SYNDIG1: variants seen among roughly 807,000 people sequenced by gnomAD.
SYNDIG1 encodes synapse differentiation inducing 1.
In SYNDIG1, 9 loss-of-function variants were observed where a neutral mutation model predicts 19.4. That is an observed-to-expected ratio of 0.46 (90% CI 0.28 to 0.81). SYNDIG1 has a LOEUF of 0.81. Among genes scored for constraint, SYNDIG1 ranks in the 30% least tolerant of loss-of-function variants. The pLI, the probability that SYNDIG1 is intolerant of heterozygous loss-of-function variation, is 0.12. For synonymous variants in SYNDIG1, 141 were observed against 145.9 expected, an observed-to-expected ratio of 0.97 and a Z score of 0.24; for missense variants, 311 against 343.3, an observed-to-expected ratio of 0.91 and a Z score of 0.74.
chr20:24,618,775 TTC>T (rs971853825), intron 3 of SYNDIG1, among the ~76,000 whole-genome samples: 3 of 152,202 alleles, frequency 2.0e-5, no homozygotes, highest in African/African-American at 7.2e-5. Flanking sequence ...TCTTATTTTT[TTC>T]TCTCTTACCT....
chr20:24,535,209 G>C (rs530772188), intron 1 of SYNDIG1, among the ~76,000 whole-genome samples: 1 of 152,232 alleles, frequency 6.6e-6, no homozygotes, highest in South Asian at 2.1e-4. Flanking sequence ...GTTGTTTGCC[G>C]ATGTTTTCTG....
In SYNDIG1 at chr20:24,654,646, GAGGGAGGA is replaced by G. The variant is rs1358967494; in HGVS notation, c.619-10696_619-10689del. On this transcript the variant is annotated intron_variant, in intron 3 of 3. Transcript: ENST00000376862. ...GGGAGGGAGGAAGGAGAGAGGGAGGGAGGGAGGAAGGAAGGAAGGAAGGAAGGAAGGAA... is the reference window on the plus strand; with the variant it reads ...GGGAGGGAGGAAGGAGAGAGGGAGGGAGGAAGGAAGGAAGGAAGGAAGGAA... 2.3e-3 allele frequency among the ~76,000 whole-genome samples: 241 copies of G among 106,222 alleles called. 1 individual carries two copies. The highest frequency in any genetic ancestry group is 1.9e-3 in the African/African-American group (49 of 25,572). 69.7% of individuals were successfully genotyped at this position (106,222 alleles called of 152,430 possible).
At chr20:24,495,865 T>C (rs911172729) in intron 1 of SYNDIG1, 3 of 152,184 alleles carry the variant, frequency 2.0e-5, no homozygotes, top group Admixed American at 6.5e-5. Flanking sequence ...TTATTTTTGA[T>C]ATGGAGTCTC....
intron 2 of SYNDIG1, among the ~76,000 whole-genome samples, chr20:24,565,386 C>G (rs528558180): frequency 3.9e-5 from 6 of 152,136 alleles, no homozygotes; most frequent in Admixed American, 2.6e-4. Context: ...ATCATTCAGC[C>G]GAGATAACAG....
At chr20:24,659,101 T>C (rs73905423) in intron 3 of SYNDIG1, among the ~76,000 whole-genome samples, 12,259 of 152,204 alleles carry the variant, frequency 0.081, 561 homozygotes, top group Non-Finnish European at 0.098. Context: ...GAGCGTGGCA[T>C]ACTGCCCGAA....
intron 1 of SYNDIG1, among the ~76,000 whole-genome samples, chr20:24,535,053 G>A (rs1231918815): frequency 6.6e-6 from 1 of 152,164 alleles, no homozygotes; most frequent in African/African-American, 2.4e-5. Flanking sequence ...GTGTTTGCTG[G>A]TTTAGGTTTA....
At chr20:24,541,942 G>A (rs191912585) in intron 1 of SYNDIG1, among the ~76,000 whole-genome samples, 2 of 152,262 alleles carry the variant, frequency 1.3e-5, no homozygotes, top group Non-Finnish European at 2.9e-5. Context: ...ATCTCTGAGC[G>A]GATGAACCCA....
At chr20:24,558,268 A>T (rs147176109) in intron 2 of SYNDIG1, among the ~76,000 whole-genome samples, 21 of 152,308 alleles carry the variant, frequency 1.4e-4, no homozygotes, top group African/African-American at 5.1e-4. Context: ...ATCCAAAAAA[A>T]ATTGTCTACT....
chr20:24,596,535 T>C (rs1465456029), intron 3 of SYNDIG1, among the ~76,000 whole-genome samples: 2 of 152,090 alleles, frequency 1.3e-5, no homozygotes, highest in African/African-American at 2.4e-5. Context: ...CCCACCATCA[T>C]GCCTTGCTAA....
At chr20:24,505,364 G>A (rs973761764) in intron 1 of SYNDIG1, among the ~76,000 whole-genome samples, 11 of 152,228 alleles carry the variant, frequency 7.2e-5, no homozygotes, top group East Asian at 1.9e-4. Flanking sequence ...GGGCAGAGGC[G>A]GTCATCCTCT....
intron 3 of SYNDIG1, among the ~76,000 whole-genome samples, chr20:24,604,621 AGAAAAATCAT>A (rs2058726805): frequency 6.6e-6 from 1 of 152,258 alleles, no homozygotes; most frequent in South Asian, 2.1e-4. Context: ...CTCTTTTCCC[AGAAAAATCAT>A]GAAAAATCCG....
chr20:24,535,351 AG>A lies in SYNDIG1; in HGVS notation c.-78-7668del. Among the ~76,000 whole-genome samples, 3 of 152,368 alleles carry A rather than the reference AG, an allele frequency of 2.0e-5. 1 individual carries two copies. The Middle Eastern group carries it at 0.01, about 518-fold the overall frequency. ...TGTACAGCAGTGTGCTTTCTTCCTAAGTACTACTGAATTTCTGGCTAGAATA... is the reference window on the plus strand; with the variant it reads ...TGTACAGCAGTGTGCTTTCTTCCTAATACTACTGAATTTCTGGCTAGAATA... On this transcript the variant is annotated intron_variant, in intron 1 of 3. Transcript: ENST00000376862.
At chr20:24,552,352 A>C (rs1204719732) in intron 2 of SYNDIG1, among the ~76,000 whole-genome samples, 3 of 152,148 alleles carry the variant, frequency 2.0e-5, no homozygotes, top group African/African-American at 7.2e-5. Context: ...ACATGTGCAC[A>C]ATGTGCAGGT....
At chr20:24,490,713 G>T (rs764535894) in intron 1 of SYNDIG1, among the ~76,000 whole-genome samples, 2 of 152,206 alleles carry the variant, frequency 1.3e-5, no homozygotes, top group East Asian at 1.9e-4. Flanking sequence ...GACTCCTTAT[G>T]TGGGGCCTCA....
chr20:24,592,084 G>A (rs1380921830), intron 3 of SYNDIG1, among the ~76,000 whole-genome samples: 1 of 152,082 alleles, frequency 6.6e-6, no homozygotes, highest in African/African-American at 2.4e-5. Flanking sequence ...AGCTATCTTG[G>A]GTAATGATAT....
At chr20:24,631,817 T>C (rs1235713341) in intron 3 of SYNDIG1, among the ~76,000 whole-genome samples, 3 of 152,232 alleles carry the variant, frequency 2.0e-5, no homozygotes, top group Admixed American at 6.5e-5. Context: ...AAGCTAGCTT[T>C]ATTTTCAAAG....
intron 1 of SYNDIG1, among the ~76,000 whole-genome samples, chr20:24,471,814 A>C (rs1472377786): frequency 6.6e-6 from 1 of 152,192 alleles, no homozygotes; most frequent in Non-Finnish European, 1.5e-5. Flanking sequence ...TTCAAAACTC[A>C]TTCCAAAATG....
intron 3 of SYNDIG1, among the ~76,000 whole-genome samples, chr20:24,664,129 G>A (rs539744738): frequency 1.3e-5 from 2 of 152,172 alleles, no homozygotes; most frequent in South Asian, 2.1e-4. Context: ...GAAAGTTAGA[G>A]GAGCGAGAAG....
At chr20:24,635,676 G>C (rs1250251775) in intron 3 of SYNDIG1, among the ~76,000 whole-genome samples, 1 of 152,166 alleles carries the variant, frequency 6.6e-6, no homozygotes, top group Non-Finnish European at 1.5e-5. Flanking sequence ...AAAACACGTA[G>C]TTTTGTAACA....
Sources: gnomAD v4.1 joint callset for allele counts (sites outside exome capture counted in the v4.1 genomes callset) on GRCh38, gnomAD v4.1.1 for gene constraint, MANE v1.5 for transcripts, NCBI Gene and HGNC (gene_info 2026-07-23, HGNC 2026-07-21) for gene names.